Variants in CELF2 observed in about 807,000 individuals in gnomAD.
CELF2 encodes the protein CUGBP Elav-like family member 2, also known as CUG triplet repeat RNA-binding protein 2.
Under a neutral mutation model 62.6 loss-of-function variants are expected in CELF2, and 8 were observed. The observed-to-expected ratio is 0.13, with a 90% CI of 0.07 to 0.23. The LOEUF is 0.23. Among genes scored for constraint, CELF2 ranks in the 10% least tolerant of loss-of-function variants. The probability of loss-of-function intolerance (pLI) is 1.00; values close to 1 mark genes in which losing one functional copy is unlikely to be tolerated. For synonymous variants in CELF2, 258 were observed against 250.0 expected, an observed-to-expected ratio of 1.03 and a Z score of -0.30; for missense variants, 333 against 671.0, an observed-to-expected ratio of 0.50 and a Z score of 5.56.
At position 11,333,064 on chromosome 10, in the gene CELF2, C is replaced by G. The variant is rs1002312639; in HGVS notation, c.*4011C>G. ...TCAACGAAAAACAATTTACTGAAGC[C>G]GACTCCCCTCCCCATCTCCCTCTCA... On this transcript the variant is annotated 3_prime_UTR_variant, in exon 13 of 13. Coordinates refer to ENST00000633077, the MANE Select transcript of CELF2 (RefSeq NM_001326342.2). The G allele has an allele frequency of 6.6e-6, 1 of 152,148 alleles. No individual in the cohort carries two copies. Among genetic ancestry groups the G allele is most frequent in the Non-Finnish European group, 1.5e-5 (1 of 68,032 alleles). 9.4% of individuals were successfully genotyped at this position (152,148 alleles called of 1,614,324 possible). A position where few individuals can be genotyped will look rare whatever the true frequency, so the allele number is the denominator to read the frequency against.
intron 1 of CELF2, among the ~76,000 whole-genome samples, chr10:11,150,791 A>G (rs1171264851): frequency 6.6e-6 from 1 of 152,226 alleles, no homozygotes; most frequent in East Asian, 1.9e-4. Flanking sequence ...CAATGAGTTT[A>G]TTTAGCAAAT....
At chr10:10,684,337 T>C in the CELF2 span, among the ~76,000 whole-genome samples, 2 of 152,216 alleles carry the variant, frequency 1.3e-5, no homozygotes, top group Non-Finnish European at 2.9e-5. Context: ...AACCAGATAT[T>C]GCTGTTCTAC....
At chr10:10,642,655 G>T in the CELF2 span, among the ~76,000 whole-genome samples, 1 of 152,210 alleles carries the variant, frequency 6.6e-6, no homozygotes, top group Non-Finnish European at 1.5e-5. Context: ...TGAAAATATG[G>T]AGGAATTTTG....
In CELF2 at chr10:11,331,014, C is replaced by T. The variant is rs957840959; in HGVS notation, c.*1961C>T. On this transcript the variant is annotated 3_prime_UTR_variant, in exon 13 of 13. Transcript: ENST00000633077. ...TCTCATTAAGATATATATATAGAAC[C>T]ACTTTTTGTAGATTAGTATAAGAAA... 1 of 152,488 alleles carries T rather than the reference C, an allele frequency of 6.6e-6. No homozygotes were observed. 9.4% of individuals were successfully genotyped at this position (152,488 alleles called of 1,614,324 possible). A position where few individuals can be genotyped will look rare whatever the true frequency, so the allele number is the denominator to read the frequency against.
the CELF2 span, among the ~76,000 whole-genome samples, chr10:10,586,330 C>G: frequency 6.6e-6 from 1 of 151,868 alleles, no homozygotes; most frequent in Non-Finnish European, 1.5e-5. Flanking sequence ...CATGTTTGAC[C>G]CTCTAGGAGA....
chr10:11,124,537 T>C (rs551565489), intron 1 of CELF2, among the ~76,000 whole-genome samples: 2 of 152,208 alleles, frequency 1.3e-5, no homozygotes, highest in Admixed American at 6.5e-5. Context: ...AAATGTAACA[T>C]GAAATGGCAA....
chr10:11,299,769 G>A (rs1469293798), intron 9 of CELF2, among the ~76,000 whole-genome samples: 1 of 151,936 alleles, frequency 6.6e-6, no homozygotes, highest in Non-Finnish European at 1.5e-5. Context: ...CGTATTTCTG[G>A]GTTTCGCCAA....
chr10:10,703,208 A>G, the CELF2 span, among the ~76,000 whole-genome samples: 1 of 152,172 alleles, frequency 6.6e-6, no homozygotes, highest in Non-Finnish European at 1.5e-5. Flanking sequence ...AGCACTTCAT[A>G]TGTATTAATT....
rs622602 is a variant in CELF2, at chr10:11,157,123, G to A, written c.75-8363G>A. Among the ~76,000 whole-genome samples the A allele has an allele frequency of 0.26, 39,549 of 151,900 alleles. 6,451 individuals carry two copies. Among genetic ancestry groups the A allele is most frequent in the East Asian group, 0.76 (3,923 of 5,150 alleles). ...CCAGGGGGTGGCATTTCAAGAGCAG[G>A]TTGGGGGATGAGGCTGTGTCCCCTG... On this transcript the variant is annotated intron_variant, in intron 1 of 12. Transcript: ENST00000633077. The surrounding 1 kb of genome is among the most constrained non-coding windows in gnomAD (Gnocchi z 4.9).
rs1449929498 is a variant in CELF2, at chr10:11,237,281, G to A, written c.355-11872G>A. 6.6e-6 allele frequency among the ~76,000 whole-genome samples: 1 copy of A among 152,210 alleles called. No individual in the cohort carries two copies. The highest frequency in any genetic ancestry group is 6.5e-5 in the Admixed American group (1 of 15,286). On this transcript the variant is annotated intron_variant, in intron 3 of 12. Coordinates refer to ENST00000633077, the MANE Select transcript of CELF2 (RefSeq NM_001326342.2). This position sits in a 1 kb window ranked among gnomAD's most constrained non-coding sequence, Gnocchi z 4.0. ...ATTTAGAGCCACGCCAGAGTGTTAG[G>A]TGAGAGGTCTGAGAAGCTGGAAGAG...
intron 11 of CELF2, among the ~76,000 whole-genome samples, chr10:11,323,483 C>T (rs1269725946): frequency 6.7e-6 from 1 of 149,706 alleles, no homozygotes; most frequent in Non-Finnish European, 1.5e-5. Context: ...ATTTTCTACT[C>T]CACAGTTCAG....
intron 1 of CELF2, among the ~76,000 whole-genome samples, chr10:11,049,356 A>C (rs563943579): frequency 1.3e-5 from 2 of 151,884 alleles, no homozygotes; most frequent in Non-Finnish European, 2.9e-5. Context: ...GGTGAATCCT[A>C]TAGTCGTTTT....
intron 4 of CELF2, among the ~76,000 whole-genome samples, chr10:11,250,272 G>A (rs73579389): frequency 1.6e-3 from 239 of 152,332 alleles, no homozygotes; most frequent in African/African-American, 5.7e-3. Flanking sequence ...TGCTCAGGAG[G>A]CCAAGGCAGG....
At chr10:10,511,025 C>G in the CELF2 span, among the ~76,000 whole-genome samples, 5 of 152,194 alleles carry the variant, frequency 3.3e-5, no homozygotes, top group Admixed American at 6.5e-5. Flanking sequence ...GCCCCATAGG[C>G]CTGCCTGGAG....
chr10:11,192,193 T>C (rs2134549986), intron 2 of CELF2, among the ~76,000 whole-genome samples: 1 of 152,322 alleles, frequency 6.6e-6, no homozygotes, highest in East Asian at 1.9e-4. Context: ...GATGGGGCTC[T>C]TCCAGCACAG....
chr10:10,668,922 C>T, the CELF2 span, among the ~76,000 whole-genome samples: 1 of 152,180 alleles, frequency 6.6e-6, no homozygotes, highest in East Asian at 1.9e-4. Flanking sequence ...CATGCCACTA[C>T]ACTCCAGCCT....
At chr10:10,701,383 G>T in the CELF2 span, among the ~76,000 whole-genome samples, 1 of 152,274 alleles carries the variant, frequency 6.6e-6, no homozygotes, top group African/African-American at 2.4e-5. Context: ...AGATATGCAG[G>T]TTTCTTTGTT....
At chr10:10,689,310 C>A in the CELF2 span, among the ~76,000 whole-genome samples, 13 of 152,234 alleles carry the variant, frequency 8.5e-5, no homozygotes, top group African/African-American at 3.1e-4. Context: ...GTGCCACACA[C>A]TTTTAAACCA....
intron 1 of CELF2, among the ~76,000 whole-genome samples, chr10:11,096,880 C>G (rs1227240412): frequency 2.0e-5 from 3 of 152,222 alleles, no homozygotes; most frequent in African/African-American, 7.2e-5. Context: ...GAATTCTATA[C>G]TTGACCTTAA....
Sources: gnomAD v4.1 joint callset for allele counts (sites outside exome capture counted in the v4.1 genomes callset) on GRCh38, gnomAD v4.1.1 for gene constraint, Gnocchi (gnomAD v3.1) non-coding constraint, MANE v1.5 for transcripts, NCBI Gene and HGNC (gene_info 2026-07-23, HGNC 2026-07-21) for gene names.